FAM170A: variants seen among roughly 807,000 people sequenced by gnomAD.
The protein encoded by FAM170A is family with sequence similarity 170 member A, also known as protein FAM170A.
FAM170A carries 28 observed loss-of-function variants against 36.6 expected under a neutral mutation model. That is an observed-to-expected ratio of 0.76 (90% CI 0.57 to 1.05). The LOEUF (loss-of-function observed/expected upper bound fraction) is 1.05. FAM170A is among the 50% of genes least tolerant of loss of function. The pLI is 0.00. For missense variants in FAM170A, 434 were observed against 396.5 expected (o/e 1.09, Z -0.80); for synonymous variants, 156 against 143.9 (o/e 1.08, Z -0.60).
intron 2 of FAM170A, among the ~76,000 whole-genome samples, chr5:119,633,331 A>T (rs1204902141): frequency 6.6e-6 from 1 of 152,106 alleles, no homozygotes; most frequent in Admixed American, 6.5e-5. Flanking sequence ...AAGAGCATGG[A>T]TATAAGCTCA....
exon 3 of FAM170A, chr5:119,634,218 G>A (rs1756323518): frequency 6.2e-7 from 1 of 1,614,252 alleles, no homozygotes; most frequent in Non-Finnish European, 8.5e-7. Context: ...AAGCAGCCAA[G>A]GATGGAAGAA....
In FAM170A at chr5:119,631,168, A is replaced by G. The variant is rs1033841552; in HGVS notation, c.70+1330A>G. ...TCCTGAAAGGGGGATGCTCACATGC[A>G]GGAGACAGGGCAGAAAGGAGCCTGC... On this transcript the variant is annotated intron_variant, in intron 1 of 4. Coordinates refer to ENST00000613773, the Ensembl canonical transcript of FAM170A. Among the ~76,000 whole-genome samples, 4 of 152,236 alleles carry G rather than the reference A, an allele frequency of 2.6e-5. No homozygotes were observed. In the South Asian group the frequency reaches 8.3e-4, roughly 32 times the overall value.
intron 2 of FAM170A, 80 bp downstream of exon 2, chr5:119,632,968 T>C: frequency 6.9e-7 from 1 of 1,439,344 alleles, no homozygotes; most frequent in Non-Finnish European, 9.4e-7. Flanking sequence ...AGTGTGGGGC[T>C]CTGTGGGCAT....
At chr5:119,635,436 G>A (rs1756360455) in intron 4 of FAM170A, among the ~76,000 whole-genome samples, 1 of 152,206 alleles carries the variant, frequency 6.6e-6, no homozygotes, top group African/African-American at 2.4e-5. Flanking sequence ...CCTTTGGCCT[G>A]AGCTGGGATC....
chr5:119,632,973 G>T, intron 2 of FAM170A, 85 bp downstream of exon 2: 1 of 1,427,578 alleles, frequency 7.0e-7, no homozygotes. Context: ...GGGGCTCTGT[G>T]GGCATGAGAC....
chr5:119,635,110 T>C (rs1339716775), intron 4 of FAM170A, 24 bp downstream of exon 4: 1 of 1,549,324 alleles, frequency 6.5e-7, no homozygotes, highest in Admixed American at 1.7e-5. Flanking sequence ...CTTGCAGTTT[T>C]CTGAGGCTGT....
Position 119,634,072 on chromosome 5 carries a change from A to G in FAM170A, c.324A>G (p.Ser108=), listed in dbSNP as rs765417048. 4.3e-6 allele frequency: 7 copies of G among 1,614,112 alleles called. No individual in the cohort carries two copies. In the Admixed American group the frequency reaches 6.7e-5, roughly 15 times the overall value. The change falls in exon 3 of 5, where the codon TCA becomes TCG. Residue 108 remains serine, a synonymous_variant. Coordinates refer to ENST00000613773, the Ensembl canonical transcript of FAM170A. Reference sequence around the variant, plus strand: ...AACATGTCTCCTTGTCGTCCTATTCATCCTATAAGACTTGTGTGTCCTCTC... The same window carrying G: ...AACATGTCTCCTTGTCGTCCTATTCGTCCTATAAGACTTGTGTGTCCTCTC...
chr5:119,634,991 C>G (rs1031514778), intron 3 of FAM170A, 37 bp from the exon 4 acceptor site: 1 of 1,613,482 alleles, frequency 6.2e-7, no homozygotes, highest in Non-Finnish European at 8.5e-7. Context: ...GTCGCATTAA[C>G]TAAGAAGTGT....
chr5:119,634,515 G>C (rs76868038), exon 3 of FAM170A: 1 of 1,613,764 alleles, frequency 6.2e-7, no homozygotes, highest in Non-Finnish European at 8.5e-7. Context: ...GAGGGCTTCA[G>C]CTGCCACGTC....
chr5:119,633,395 C>T (rs756170584), intron 2 of FAM170A, among the ~76,000 whole-genome samples: 5 of 152,168 alleles, frequency 3.3e-5, no homozygotes, highest in East Asian at 1.9e-4. Context: ...GAGCAGAGGC[C>T]AGAAAAGTCT....
In FAM170A at chr5:119,634,530, A is replaced by G. The variant is rs199949750; in HGVS notation, c.782A>G (p.His261Arg). The G allele has an allele frequency of 3.4e-4, 549 of 1,613,642 alleles. No individual in the cohort carries two copies. Among genetic ancestry groups the G allele is most frequent in the Admixed American group, 4.7e-4 (28 of 60,024 alleles). ...GAGGGCTTCAGCTGCCACGTCTTTC[A>G]TCTCACCATGGCTCAGCTGACAGGC... The change falls in exon 3 of 5, where the codon CAT (histidine) becomes CGT (arginine). Residue 261 changes from histidine to arginine, a missense_variant. Transcript: ENST00000613773.
chr5:119,634,386 C>T, exon 3 of FAM170A: 1 of 1,614,120 alleles, frequency 6.2e-7, no homozygotes, highest in Non-Finnish European at 8.5e-7. Flanking sequence ...GAGGACACAC[C>T]CAGAGCCAAG....
chr5:119,630,022 G>C (rs1473612463), intron 1 of FAM170A, among the ~76,000 whole-genome samples, 184 bp downstream of exon 1: 5 of 151,928 alleles, frequency 3.3e-5, no homozygotes, highest in African/African-American at 1.2e-4. Flanking sequence ...CTCCCGAGTA[G>C]CTGGGACTAC....
chr5:119,634,113 A>G (rs1307746267), exon 3 of FAM170A: 8 of 1,614,182 alleles, frequency 5.0e-6, no homozygotes, highest in Non-Finnish European at 6.8e-6. Flanking sequence ...GTAAACAAAG[A>G]GGAAAGGGGC....
chr5:119,630,121 G>A (rs1756212289), intron 1 of FAM170A, among the ~76,000 whole-genome samples: 1 of 139,394 alleles, frequency 7.2e-6, no homozygotes, highest in African/African-American at 2.7e-5. Context: ...TCGATCTCCT[G>A]ACCTCCTGAT....
chr5:119,635,452 T>G (rs1756361194), intron 4 of FAM170A, among the ~76,000 whole-genome samples: 1 of 152,196 alleles, frequency 6.6e-6, no homozygotes, highest in South Asian at 2.1e-4. Context: ...GGATCCCACC[T>G]GAGCCCATAG....
At chr5:119,633,640 C>G (rs1383136575) in intron 2 of FAM170A, among the ~76,000 whole-genome samples, 1 of 152,038 alleles carries the variant, frequency 6.6e-6, no homozygotes, top group Non-Finnish European at 1.5e-5. Context: ...CCCACACTAC[C>G]TCCCACATTC....
intron 4 of FAM170A, among the ~76,000 whole-genome samples, chr5:119,635,341 A>G (rs552889026): frequency 1.2e-4 from 18 of 152,356 alleles, no homozygotes; most frequent in Admixed American, 1.1e-3. Flanking sequence ...TCTTCTAGGC[A>G]GCGGAAGCTC....
intron 1 of FAM170A, among the ~76,000 whole-genome samples, chr5:119,631,594 C>G (rs1318993533): frequency 6.6e-6 from 1 of 152,112 alleles, no homozygotes; most frequent in Non-Finnish European, 1.5e-5. Context: ...CATATATACT[C>G]TGATACAGAG....
Sources: gnomAD v4.1 joint callset for allele counts (sites outside exome capture counted in the v4.1 genomes callset) on GRCh38, gnomAD v4.1.1 for gene constraint, MANE v1.5 for transcripts, NCBI Gene and HGNC (gene_info 2026-07-23, HGNC 2026-07-21) for gene names.